The following ADGRV1 variants were observed in gnomAD, a reference collection of about 807,000 sequenced individuals.
The protein encoded by ADGRV1 is adhesion G protein-coupled receptor V1, also known as G-protein coupled receptor 98.
A neutral mutation model predicts 596.2 loss-of-function variants in ADGRV1; 359 were observed. The observed-to-expected ratio is 0.60, with a 90% CI of 0.55 to 0.66. ADGRV1 has a LOEUF of 0.66. ADGRV1 is among the 30% of genes least tolerant of loss of function. The probability of loss-of-function intolerance (pLI) is 0.00; values close to 1 mark genes in which losing one functional copy is unlikely to be tolerated. For missense variants in ADGRV1, 7,274 were observed against 7,575.6 expected, an observed-to-expected ratio of 0.96 and a Z score of 1.48; for synonymous variants, 2,681 against 2,679.2, an observed-to-expected ratio of 1.00 and a Z score of -0.02.
intron 84 of ADGRV1, among the ~76,000 whole-genome samples, chr5:90,979,207 C>T (rs1056933273): frequency 1.3e-5 from 2 of 148,812 alleles, no homozygotes; most frequent in African/African-American, 5.0e-5. Context: ...CTTGTTCTGT[C>T]ACTGCAGCTG....
intron 85 of ADGRV1, among the ~76,000 whole-genome samples, chr5:91,034,163 A>G (rs1009818159): frequency 1.3e-5 from 2 of 152,160 alleles, no homozygotes; most frequent in African/African-American, 4.8e-5. Context: ...TCCAAAATAT[A>G]GCTGGAAGAC....
chr5:91,130,324 G>T (rs1794103979), intron 87 of ADGRV1, among the ~76,000 whole-genome samples: 1 of 151,566 alleles, frequency 6.6e-6, no homozygotes, highest in Non-Finnish European at 1.5e-5. Flanking sequence ...TTGAGGTCAG[G>T]AGTTCAAGAC....
intron 20 of ADGRV1, among the ~76,000 whole-genome samples, chr5:90,657,499 A>G (rs982277097): frequency 6.6e-6 from 1 of 152,088 alleles, no homozygotes; most frequent in Non-Finnish European, 1.5e-5. Context: ...TCCATTTTTA[A>G]ATGTGCAAGA....
chr5:90,903,476 C>G (rs1382920117), intron 83 of ADGRV1, among the ~76,000 whole-genome samples: 1 of 151,868 alleles, frequency 6.6e-6, no homozygotes, highest in Admixed American at 6.6e-5. Flanking sequence ...ACTTTACTAA[C>G]TTTATTATTT....
intron 86 of ADGRV1, among the ~76,000 whole-genome samples, chr5:91,083,589 G>A (rs1789610198): frequency 6.6e-6 from 1 of 152,098 alleles, no homozygotes; most frequent in Non-Finnish European, 1.5e-5. Context: ...TGGGCCAGAG[G>A]CGGTAACAAA....
intron 85 of ADGRV1, among the ~76,000 whole-genome samples, chr5:91,043,511 A>G (rs1197039007): frequency 6.6e-6 from 1 of 152,104 alleles, no homozygotes; most frequent in African/African-American, 2.4e-5. Flanking sequence ...AGCCAGACCA[A>G]TGCTTGGGTT....
chr5:90,580,047 A>G (rs940004858), intron 1 of ADGRV1, among the ~76,000 whole-genome samples: 20 of 152,020 alleles, frequency 1.3e-4, no homozygotes, highest in African/African-American at 4.8e-4. Flanking sequence ...CACACTGATG[A>G]GTCTTGACTC....
chr5:91,048,090 A>C (rs1785986908), intron 85 of ADGRV1, among the ~76,000 whole-genome samples: 1 of 152,076 alleles, frequency 6.6e-6, no homozygotes. Context: ...TCTGCTAATT[A>C]ATCTTTATTT....
intron 45 of ADGRV1, 83 bp downstream of exon 45, chr5:90,721,142 G>T: frequency 2.6e-6 from 3 of 1,164,568 alleles, no homozygotes; most frequent in South Asian, 1.5e-5. Flanking sequence ...CCTTTGAATT[G>T]TATGTTATTG....
rs755242095 is a variant in ADGRV1, at chr5:90,781,556, C to A, written c.13209C>A (p.Asp4403Glu). Reference sequence around the variant, plus strand: ...ACGCAGAAGGCATCATTGAATTTGACCCAAAGTATACTGCCTTCGAAGGTA... The same window carrying A: ...ACGCAGAAGGCATCATTGAATTTGAACCAAAGTATACTGCCTTCGAAGGTA... ...NDNAEGIIEF[D>E]PKYTAFEVEE... The change falls in exon 65 of 90, where the codon GAC becomes GAA. Residue 4403 changes from aspartate (D) to glutamate (E), a missense_variant. Asp to Glu is a conservative substitution (Grantham distance 45). This residue lies in a region of ADGRV1 where 3,643 missense variants were observed against 3,809.2 expected (regional missense o/e 0.96). Transcript: ENST00000405460. The A allele has an allele frequency of 6.2e-7, 1 of 1,610,086 alleles. No homozygotes were observed.
At chr5:90,652,266 A>C in intron 18 of ADGRV1, 80 bp from the exon 19 acceptor site, 1 of 1,022,640 alleles carries the variant, frequency 9.8e-7, no homozygotes, top group Non-Finnish European at 1.4e-6. Context: ...GATAGTAAAA[A>C]TATGTTTCCT....
intron 87 of ADGRV1, among the ~76,000 whole-genome samples, chr5:91,147,040 G>A (rs1456215581): frequency 1.3e-5 from 2 of 151,896 alleles, no homozygotes; most frequent in African/African-American, 2.4e-5. Flanking sequence ...GGTGAAACAC[G>A]CCTGTGGTAC....
intron 39 of ADGRV1, among the ~76,000 whole-genome samples, 176 bp downstream of exon 39, chr5:90,709,085 A>G (rs541681697): frequency 1.3e-5 from 2 of 152,306 alleles, no homozygotes; most frequent in African/African-American, 4.8e-5. Context: ...TTTACAATGA[A>G]CAATGTAAAG....
chr5:90,817,764 T>C (rs1476816740), intron 75 of ADGRV1, among the ~76,000 whole-genome samples: 2 of 152,158 alleles, frequency 1.3e-5, no homozygotes, highest in Non-Finnish European at 2.9e-5. Context: ...TTCTGTTCCA[T>C]TAATCTATAT....
intron 78 of ADGRV1, among the ~76,000 whole-genome samples, chr5:90,843,736 G>T (rs935916279): frequency 3.3e-5 from 5 of 152,206 alleles, no homozygotes; most frequent in Middle Eastern, 3.4e-3. Context: ...AATGAGTGTG[G>T]GGAACATTTT....
chr5:91,142,572 C>T (rs1377871200), intron 87 of ADGRV1, among the ~76,000 whole-genome samples: 1 of 152,154 alleles, frequency 6.6e-6, no homozygotes, highest in Non-Finnish European at 1.5e-5. Flanking sequence ...TAATCACTTT[C>T]CTGTTTTAAC....
At chr5:90,981,866 A>G (rs934718134) in intron 84 of ADGRV1, among the ~76,000 whole-genome samples, 11 of 152,190 alleles carry the variant, frequency 7.2e-5, no homozygotes, top group African/African-American at 2.2e-4. Flanking sequence ...GCCTAGTGGT[A>G]GAAGGTGCTC....
intron 83 of ADGRV1, among the ~76,000 whole-genome samples, chr5:90,930,702 T>G (rs906662629): frequency 6.6e-6 from 1 of 152,158 alleles, no homozygotes; most frequent in Non-Finnish European, 1.5e-5. Context: ...TACCTGATAA[T>G]TTTTACTGCC....
At chr5:91,016,896 G>C (rs1783215812) in intron 85 of ADGRV1, among the ~76,000 whole-genome samples, 1 of 151,698 alleles carries the variant, frequency 6.6e-6, no homozygotes, top group Admixed American at 6.6e-5. Flanking sequence ...GAAAAGGGAA[G>C]CTAATGAGGG....
Sources: allele counts gnomAD v4.1 joint callset (sites outside exome capture counted in the v4.1 genomes callset), GRCh38; gene constraint gnomAD v4.1.1; regional missense constraint gnomAD v4.1.1; transcripts MANE v1.5; gene names NCBI Gene and HGNC (gene_info 2026-07-23, HGNC 2026-07-21).